GOLGA8B: variants seen among roughly 807,000 people sequenced by gnomAD.
GOLGA8B encodes golgin A8 family member B.
In GOLGA8B, 1 loss-of-function variant was observed where a neutral mutation model predicts 15.6. The ratio of observed to expected loss-of-function variants is 0.06; its 90% CI spans 0.02 to 0.30. The LOEUF is 0.30. Among genes scored for constraint, GOLGA8B ranks in the 10% least tolerant of loss-of-function variants. The probability of loss-of-function intolerance (pLI) is 1.00; values close to 1 mark genes in which losing one functional copy is unlikely to be tolerated. For missense variants in GOLGA8B, 17 were observed against 201.3 expected (o/e 0.08, Z 5.54); for synonymous variants, 9 against 80.3 (o/e 0.11, Z 4.75).
chr15:34,571,700 C>T (rs1019462247), intron 1 of GOLGA8B, among the ~76,000 whole-genome samples: 11 of 151,412 alleles, frequency 7.3e-5, no homozygotes, highest in Admixed American at 2.0e-4. Context: ...GTAAAAAAAT[C>T]GAGACTATCA....
intron 1 of GOLGA8B, chr15:34,566,444 G>T (rs1481883456): frequency 6.9e-6 from 1 of 143,948 alleles, no homozygotes; most frequent in African/African-American, 2.5e-5. Flanking sequence ...GATTCTCCCA[G>T]AAGTTTTCCT....
At chr15:34,573,386 A>G (rs1888975140) in intron 1 of GOLGA8B, among the ~76,000 whole-genome samples, 1 of 151,930 alleles carries the variant, frequency 6.6e-6, no homozygotes, top group Non-Finnish European at 1.5e-5. Flanking sequence ...AAAATACAAA[A>G]GTTAGCCGGG....
intron 1 of GOLGA8B, among the ~76,000 whole-genome samples, chr15:34,583,012 A>G (rs62004936): frequency 0.36 from 55,360 of 151,862 alleles, 10,515 homozygotes; most frequent in Admixed American, 0.45. Context: ...ATTATACAGG[A>G]AAAGGGAAGG....
At chr15:34,576,085 C>T (rs141331181) in intron 1 of GOLGA8B, among the ~76,000 whole-genome samples, 24 of 152,264 alleles carry the variant, frequency 1.6e-4, no homozygotes, top group African/African-American at 3.9e-4. Context: ...GTTAGCGTCC[C>T]GCACCCCTTT....
chr15:34,525,888 A>G lies in GOLGA8B; in HGVS notation c.*1744T>C, dbSNP rs1374657984. 1 of 149,176 alleles carries G rather than the reference A, an allele frequency of 6.7e-6. No individual in the cohort carries two copies. The highest frequency in any genetic ancestry group is 1.5e-5 in the Non-Finnish European group (1 of 67,114). The allele number at this position is 149,176 out of a possible 1,614,324, so 9.2% of individuals were successfully genotyped here. ...CAAGTGCTAAAAATGGAGATGGTCTAGTAACTAGAAAACTCCCCACCCCAG... is the reference window on the plus strand; with the variant it reads ...CAAGTGCTAAAAATGGAGATGGTCTGGTAACTAGAAAACTCCCCACCCCAG... On this transcript the variant is annotated 3_prime_UTR_variant, in exon 24 of 24. Coordinates refer to ENST00000683415, the MANE Select transcript of GOLGA8B (RefSeq NM_001023567.5).
intron 1 of GOLGA8B, among the ~76,000 whole-genome samples, chr15:34,579,758 G>T (rs1332181210): frequency 2.6e-5 from 4 of 152,190 alleles, no homozygotes; most frequent in Non-Finnish European, 4.4e-5. Flanking sequence ...GACATGTGCT[G>T]CAAGGAGACT....
At position 34,564,495 on chromosome 15, in the gene GOLGA8B, A is replaced by G. The variant is rs1888704743; in HGVS notation, c.-1122-10539T>C. On this transcript the variant is annotated intron_variant, in intron 1 of 23. Coordinates refer to ENST00000683415, the MANE Select transcript of GOLGA8B (RefSeq NM_001023567.5). ...GGAGGGAACACATTCAAACGGTAGCAAATTTAGTAGAGCAAATTCCAAAGA... is the reference window on the plus strand; with the variant it reads ...GGAGGGAACACATTCAAACGGTAGCGAATTTAGTAGAGCAAATTCCAAAGA... 3.4e-5 allele frequency among the ~76,000 whole-genome samples: 5 copies of G among 146,754 alleles called. 1 individual carries two copies. The South Asian group carries it at 1.1e-3, about 31-fold the overall frequency.
chr15:34,578,621 C>T (rs1404747274), intron 1 of GOLGA8B, among the ~76,000 whole-genome samples: 1 of 152,318 alleles, frequency 6.6e-6, no homozygotes, highest in Admixed American at 6.5e-5. Flanking sequence ...TAAGACAAGA[C>T]CTGCCTTCTG....
At chr15:34,556,957 T>A in intron 1 of GOLGA8B, 1 of 603,714 alleles carries the variant, frequency 1.7e-6, no homozygotes, top group Non-Finnish European at 2.9e-6. Context: ...GAGCTCTTCA[T>A]TGGTCCAGTT....
At chr15:34,575,491 C>T (rs1466126718) in intron 1 of GOLGA8B, among the ~76,000 whole-genome samples, 1 of 151,878 alleles carries the variant, frequency 6.6e-6, no homozygotes, top group African/African-American at 2.4e-5. Context: ...TCCCAACCCA[C>T]AGCAAGGGCT....
chr15:34,579,101 C>T (rs1287898462), intron 1 of GOLGA8B, among the ~76,000 whole-genome samples: 1 of 151,998 alleles, frequency 6.6e-6, no homozygotes, highest in Non-Finnish European at 1.5e-5. Flanking sequence ...GCGCACATTG[C>T]AGATGCTGAG....
Position 34,568,752 on chromosome 15 carries a change from T to C in GOLGA8B, c.-1123+14764A>G, listed in dbSNP as rs1206798994. On this transcript the variant is annotated intron_variant, in intron 1 of 23. Transcript: ENST00000683415. ...AATCCCGTAGTAAATTTTCTCTTTATAGCCAATTCCCAAAGTCAAGTATAT... is the reference window on the plus strand; with the variant it reads ...AATCCCGTAGTAAATTTTCTCTTTACAGCCAATTCCCAAAGTCAAGTATAT... Among the ~76,000 whole-genome samples, 7 of 79,782 alleles carry C rather than the reference T, an allele frequency of 8.8e-5. No individual in the cohort carries two copies. In the South Asian group the frequency reaches 1.5e-3, roughly 17 times the overall value. The allele number at this position is 79,782 out of a possible 152,430, so 52.3% of individuals were successfully genotyped here.
intron 1 of GOLGA8B, among the ~76,000 whole-genome samples, chr15:34,577,013 G>A (rs1165504796): frequency 6.7e-6 from 1 of 149,794 alleles, no homozygotes; most frequent in Non-Finnish European, 1.5e-5. Context: ...GCCCTTCTTG[G>A]GATGAGTCAA....
At chr15:34,566,612 C>T (rs1888767524) in intron 1 of GOLGA8B, 1 of 145,258 alleles carries the variant, frequency 6.9e-6, no homozygotes, top group South Asian at 2.1e-4. Flanking sequence ...CTGCTTTGAA[C>T]TGTAAGGAGC....
chr15:34,568,709 T>C (rs1355126305), intron 1 of GOLGA8B, among the ~76,000 whole-genome samples: 2 of 55,866 alleles, frequency 3.6e-5, no homozygotes, highest in African/African-American at 2.4e-4. Flanking sequence ...GCCAGATTAA[T>C]CCAGTACACA....
At chr15:34,544,999 T>C (rs1008925008) in intron 6 of GOLGA8B, 46 bp from the exon 7 acceptor site, 1 of 92,324 alleles carries the variant, frequency 1.1e-5, no homozygotes, top group African/African-American at 4.7e-5. Flanking sequence ...GCATTCCTGA[T>C]TCCCACTTGA....
intron 1 of GOLGA8B, among the ~76,000 whole-genome samples, chr15:34,577,929 AACTGC>A (rs1375516480): frequency 6.6e-6 from 1 of 152,194 alleles, no homozygotes; most frequent in Non-Finnish European, 1.5e-5. Context: ...AAAATAAAGT[AACTGC>A]ACTACAACTT....
chr15:34,571,242 A>C (rs898042815), intron 1 of GOLGA8B, among the ~76,000 whole-genome samples: 5 of 152,114 alleles, frequency 3.3e-5, no homozygotes, highest in African/African-American at 1.2e-4. Context: ...GAGACCAGGA[A>C]GTCAAGGCTG....
At chr15:34,581,499 T>C (rs1286634162) in intron 1 of GOLGA8B, 1 of 152,264 alleles carries the variant, frequency 6.6e-6, no homozygotes, top group Non-Finnish European at 1.5e-5. Flanking sequence ...TTAGCTCAGT[T>C]GGCAAACTGG....
Sources: allele counts gnomAD v4.1 joint callset (sites outside exome capture counted in the v4.1 genomes callset), GRCh38; gene constraint gnomAD v4.1.1; transcripts MANE v1.5; gene names NCBI Gene and HGNC (gene_info 2026-07-23, HGNC 2026-07-21).